The following CAST variants were observed in gnomAD, a reference collection of about 807,000 sequenced individuals.
The protein encoded by CAST is MIR583 host.
CAST carries 76 observed loss-of-function variants against 119.6 expected under a neutral mutation model. The observed-to-expected ratio is 0.64, with a 90% CI of 0.53 to 0.77. The LOEUF is 0.77. CAST is among the 30% of genes least tolerant of loss of function. CAST has a pLI of 0.00. For missense variants in CAST, 953 were observed against 946.5 expected, an observed-to-expected ratio of 1.01 and a Z score of -0.09; for synonymous variants, 319 against 331.6, an observed-to-expected ratio of 0.96 and a Z score of 0.41.
intron 1 of CAST, among the ~76,000 whole-genome samples, chr5:96,536,789 G>A (rs1480922604): frequency 6.6e-6 from 1 of 152,062 alleles, no homozygotes; most frequent in Non-Finnish European, 1.5e-5. Context: ...AATTGAGTAG[G>A]TAATGGTCTG....
intron 1 of CAST, among the ~76,000 whole-genome samples, chr5:96,573,625 G>T (rs78807264): frequency 0.075 from 9,122 of 120,920 alleles, 835 homozygotes; most frequent in East Asian, 0.37. Flanking sequence ...GGGTGGCAGA[G>T]CAACACCCTG....
chr5:96,274,829 C>A, the CAST span, among the ~76,000 whole-genome samples: 1 of 152,124 alleles, frequency 6.6e-6, no homozygotes, highest in Non-Finnish European at 1.5e-5. Context: ...CGTGGAAATG[C>A]CTGGCTCTAA....
At chr5:95,980,994 C>T in the CAST span, among the ~76,000 whole-genome samples, 1 of 152,102 alleles carries the variant, frequency 6.6e-6, no homozygotes, top group African/African-American at 2.4e-5. Context: ...TCACAGGGAG[C>T]AATACAACCT....
chr5:96,102,722 G>GTT, the CAST span, among the ~76,000 whole-genome samples: 4 of 131,478 alleles, frequency 3.0e-5, no homozygotes, highest in Non-Finnish European at 3.4e-5. Context: ...GTTTTCTTGG[G>GTT]GTTTTTTTTT....
intron 2 of CAST, among the ~76,000 whole-genome samples, chr5:96,691,654 T>TA (rs1025483393): frequency 9.2e-5 from 14 of 152,210 alleles, no homozygotes; most frequent in African/African-American, 3.4e-4. Flanking sequence ...GTAACTCATT[T>TA]AACCCTCAAA....
the CAST span, among the ~76,000 whole-genome samples, chr5:96,519,098 T>G: frequency 2.0e-5 from 3 of 152,152 alleles, no homozygotes; most frequent in African/African-American, 7.2e-5. Flanking sequence ...TATCAATAAT[T>G]TTAGTTAATG....
At chr5:96,260,467 A>G in the CAST span, among the ~76,000 whole-genome samples, 1 of 152,230 alleles carries the variant, frequency 6.6e-6, no homozygotes, top group Non-Finnish European at 1.5e-5. Flanking sequence ...GCTAATGTAG[A>G]AAGTACCTTT....
the CAST span, among the ~76,000 whole-genome samples, chr5:96,405,272 A>C: frequency 2.0e-5 from 3 of 152,346 alleles, no homozygotes; most frequent in African/African-American, 7.2e-5. Context: ...TAGACTCTTA[A>C]TATCTCTTAA....
At chr5:96,726,480 A>AT (rs776884770) in intron 4 of CAST, among the ~76,000 whole-genome samples, 3 of 152,244 alleles carry the variant, frequency 2.0e-5, no homozygotes, top group Non-Finnish European at 4.4e-5. Context: ...ATAACTAAAC[A>AT]TTGGATACAT....
At chr5:96,288,132 G>C in the CAST span, among the ~76,000 whole-genome samples, 1 of 152,094 alleles carries the variant, frequency 6.6e-6, no homozygotes, top group Non-Finnish European at 1.5e-5. Flanking sequence ...CAGCAAATCT[G>C]ACCCACAAGA....
At chr5:96,359,109 T>C in the CAST span, among the ~76,000 whole-genome samples, 12 of 152,166 alleles carry the variant, frequency 7.9e-5, no homozygotes, top group African/African-American at 1.2e-4. Flanking sequence ...TTGTCTTTTT[T>C]ATCTTTGTTG....
At chr5:96,247,934 G>T in the CAST span, 1 of 152,172 alleles carries the variant, frequency 6.6e-6, no homozygotes, top group Admixed American at 6.5e-5. Flanking sequence ...GCACTGCTTG[G>T]GTACAAGAGG....
the CAST span, among the ~76,000 whole-genome samples, chr5:96,058,504 T>A: frequency 6.6e-6 from 1 of 150,704 alleles, no homozygotes; most frequent in Admixed American, 6.6e-5. Context: ...GAATCAGTTT[T>A]CCAGGGAAAT....
chr5:96,020,609 C>T, the CAST span, among the ~76,000 whole-genome samples: 8 of 152,180 alleles, frequency 5.3e-5, no homozygotes, highest in Non-Finnish European at 8.8e-5. Flanking sequence ...AGGTTGCATG[C>T]TCTTTGCGAG....
At chr5:96,719,702 A>G (rs1757876143) in intron 3 of CAST, among the ~76,000 whole-genome samples, 1 of 152,226 alleles carries the variant, frequency 6.6e-6, no homozygotes, top group South Asian at 2.1e-4. Flanking sequence ...TTTGGTGTAT[A>G]TGAGCACTGA....
chr5:96,223,561 C>A, the CAST span, among the ~76,000 whole-genome samples: 1 of 152,182 alleles, frequency 6.6e-6, no homozygotes, highest in South Asian at 2.1e-4. Flanking sequence ...TCCCTAGAAT[C>A]TTTGGAGGGA....
At chr5:96,380,437 A>G in the CAST span, among the ~76,000 whole-genome samples, 2 of 152,326 alleles carry the variant, frequency 1.3e-5, no homozygotes, top group South Asian at 4.1e-4. Flanking sequence ...CCTGAAGAAA[A>G]ATATTTGTGT....
the CAST span, chr5:96,215,490 G>C: frequency 2.0e-5 from 3 of 152,162 alleles, no homozygotes; most frequent in East Asian, 5.8e-4. Context: ...TCTCATTTCT[G>C]CTTCTCCATT....
the CAST span, among the ~76,000 whole-genome samples, chr5:96,083,855 G>A: frequency 6.6e-6 from 1 of 152,194 alleles, no homozygotes; most frequent in African/African-American, 2.4e-5. Context: ...CAAAACCATG[G>A]TGTGGTGGTT....
Sources: gnomAD v4.1 joint callset for allele counts (sites outside exome capture counted in the v4.1 genomes callset) on GRCh38, gnomAD v4.1.1 for gene constraint, MANE v1.5 for transcripts, NCBI Gene and HGNC (gene_info 2026-07-23, HGNC 2026-07-21) for gene names.